Variants in RPS6KC1 observed in about 807,000 individuals in gnomAD.
RPS6KC1 encodes the protein ribosomal protein S6 kinase C1.
A neutral mutation model predicts 103.8 loss-of-function variants in RPS6KC1; 54 were observed. The ratio of observed to expected loss-of-function variants is 0.52; its 90% CI spans 0.42 to 0.65. RPS6KC1 has a LOEUF of 0.65. RPS6KC1 is among the 30% of genes least tolerant of loss of function. The pLI, the probability that RPS6KC1 is intolerant of heterozygous loss-of-function variation, is 0.00. For synonymous variants in RPS6KC1, 439 were observed against 438.7 expected (o/e 1.00, Z -0.01); for missense variants, 1,151 against 1,253.8 (o/e 0.92, Z 1.24).
At chr1:213,389,227 C>T in the RPS6KC1 span, among the ~76,000 whole-genome samples, 13 of 152,060 alleles carry the variant, frequency 8.5e-5, no homozygotes, top group South Asian at 2.3e-3. Context: ...TCAGTCCAAC[C>T]GAGCTATTGT....
At chr1:213,610,164 G>T in the RPS6KC1 span, among the ~76,000 whole-genome samples, 3 of 152,128 alleles carry the variant, frequency 2.0e-5, no homozygotes, top group Non-Finnish European at 4.4e-5. Context: ...TTACTGTGGA[G>T]TCGCAGTGAG....
the RPS6KC1 span, among the ~76,000 whole-genome samples, chr1:213,417,455 C>T: frequency 6.6e-6 from 1 of 152,112 alleles, no homozygotes; most frequent in African/African-American, 2.4e-5. Context: ...ATCTTTGCAT[C>T]GAGCTTCCTT....
chr1:213,666,898 A>G, the RPS6KC1 span, among the ~76,000 whole-genome samples: 1 of 152,234 alleles, frequency 6.6e-6, no homozygotes, highest in African/African-American at 2.4e-5. Flanking sequence ...GAGGCACGTG[A>G]GCTGGTTCTT....
chr1:213,624,417 G>A, the RPS6KC1 span, among the ~76,000 whole-genome samples: 13 of 152,228 alleles, frequency 8.5e-5, no homozygotes, highest in African/African-American at 1.2e-4. Flanking sequence ...CTATGAAAGC[G>A]ATTGCCAGAG....
chr1:213,489,281 C>T, the RPS6KC1 span, among the ~76,000 whole-genome samples: 3 of 151,978 alleles, frequency 2.0e-5, no homozygotes, highest in Admixed American at 2.0e-4. Flanking sequence ...GAGTTGGTAC[C>T]CTAGGTGTGA....
At chr1:213,360,436 G>A in the RPS6KC1 span, among the ~76,000 whole-genome samples, 1 of 152,128 alleles carries the variant, frequency 6.6e-6, no homozygotes, top group African/African-American at 2.4e-5. Flanking sequence ...CTCTGCATTG[G>A]TTATTCTAGT....
At chr1:213,585,786 C>A in the RPS6KC1 span, among the ~76,000 whole-genome samples, 94 of 152,244 alleles carry the variant, frequency 6.2e-4, no homozygotes, top group African/African-American at 2.1e-3. Flanking sequence ...GTCTCTCTAC[C>A]GAGACACATG....
chr1:213,749,910 C>A, the RPS6KC1 span, among the ~76,000 whole-genome samples: 1 of 152,004 alleles, frequency 6.6e-6, no homozygotes, highest in African/African-American at 2.4e-5. Context: ...GGAAGGTTAG[C>A]GGGGAACATC....
chr1:213,282,125 C>A, the RPS6KC1 span, among the ~76,000 whole-genome samples: 1 of 152,214 alleles, frequency 6.6e-6, no homozygotes, highest in Non-Finnish European at 1.5e-5. Context: ...GTGCTGGCTG[C>A]TCCTCGGCCT....
At chr1:213,094,946 C>G (rs1416257755) in intron 3 of RPS6KC1, among the ~76,000 whole-genome samples, 1 of 152,150 alleles carries the variant, frequency 6.6e-6, no homozygotes, top group Admixed American at 6.5e-5. Context: ...CTTTATTTTT[C>G]CTGCTTCATA....
chr1:213,602,112 C>A, the RPS6KC1 span, among the ~76,000 whole-genome samples: 1 of 39,356 alleles, frequency 2.5e-5, no homozygotes, highest in Non-Finnish European at 4.7e-5. Context: ...TTCTTTCTTT[C>A]TTTCTTTCTC....
the RPS6KC1 span, among the ~76,000 whole-genome samples, chr1:213,503,241 G>A: frequency 6.6e-6 from 1 of 152,072 alleles, no homozygotes; most frequent in African/African-American, 2.4e-5. Context: ...AGTGAGCTAC[G>A]TGATTCTTTT....
intron 6 of RPS6KC1, among the ~76,000 whole-genome samples, chr1:213,140,447 C>T (rs1025546284): frequency 1.3e-5 from 2 of 151,986 alleles, no homozygotes; most frequent in African/African-American, 4.8e-5. Flanking sequence ...AGCATTTGTC[C>T]ATTCTGTATG....
the RPS6KC1 span, among the ~76,000 whole-genome samples, chr1:213,327,901 A>G: frequency 6.6e-6 from 1 of 152,082 alleles, no homozygotes; most frequent in African/African-American, 2.4e-5. Context: ...TCATCTCCTC[A>G]TCAATCCCAT....
intron 12 of RPS6KC1, among the ~76,000 whole-genome samples, chr1:213,250,069 C>G (rs1285453593): frequency 6.6e-6 from 1 of 152,094 alleles, no homozygotes; most frequent in Admixed American, 6.5e-5. Context: ...CGTCCAGTTC[C>G]CCACAATACA....
the RPS6KC1 span, among the ~76,000 whole-genome samples, chr1:213,468,622 CT>C: frequency 6.6e-6 from 1 of 151,958 alleles, no homozygotes; most frequent in Non-Finnish European, 1.5e-5. Context: ...TGAAGAACAT[CT>C]GTCTGAGGTT....
chr1:213,387,511 A>G, the RPS6KC1 span, among the ~76,000 whole-genome samples: 7 of 152,216 alleles, frequency 4.6e-5, no homozygotes, highest in African/African-American at 1.7e-4. Flanking sequence ...ATTGTGTACC[A>G]GGCCTGGAAA....
chr1:213,366,283 C>A, the RPS6KC1 span, among the ~76,000 whole-genome samples: 1 of 152,226 alleles, frequency 6.6e-6, no homozygotes, highest in Non-Finnish European at 1.5e-5. Context: ...CTGTGAGACG[C>A]ACGGAGACAA....
chr1:213,830,836 G>T, the RPS6KC1 span, among the ~76,000 whole-genome samples: 1 of 152,126 alleles, frequency 6.6e-6, no homozygotes, highest in East Asian at 1.9e-4. Flanking sequence ...AAAGCCAGGG[G>T]AGTAGGCCCA....
Sources: allele counts gnomAD v4.1 joint callset (sites outside exome capture counted in the v4.1 genomes callset), GRCh38; gene constraint gnomAD v4.1.1; transcripts MANE v1.5; gene names NCBI Gene and HGNC (gene_info 2026-07-23, HGNC 2026-07-21).